Variants in LIN7A observed in about 807,000 individuals in gnomAD.
LIN7A encodes the protein lin-7 cell polarity scaffold A.
Under a neutral mutation model 29.8 loss-of-function variants are expected in LIN7A, and 25 were observed. That is an observed-to-expected ratio of 0.84 (90% CI 0.61 to 1.17). The LOEUF is 1.17. Ranked by LOEUF, LIN7A falls within the 50% of genes most tolerant of loss-of-function variation. The pLI is 0.00. For missense variants in LIN7A, 239 were observed against 287.0 expected (o/e 0.83, Z 1.21); for synonymous variants, 118 against 107.5 (o/e 1.10, Z -0.60).
At position 80,899,765 on chromosome 12, in the gene LIN7A, C is replaced by CTTTTTTTTTT. The variant is rs760389788; in HGVS notation, c.83-10397_83-10396insAAAAAAAAAA. Reference sequence around the variant, plus strand: ...CATTTCCTCTAGGTTTTCTTTTTTTCTTTTCTTTTTTTTTTTTTTTTGAGA... The same window carrying CTTTTTTTTTT: ...CATTTCCTCTAGGTTTTCTTTTTTTCTTTTTTTTTTTTTTCTTTTTTTTTTTTTTTTGAGA... On this transcript the variant is annotated intron_variant, in intron 1 of 5. Coordinates refer to ENST00000552864, the MANE Select transcript of LIN7A (RefSeq NM_004664.4). Among the ~76,000 whole-genome samples the CTTTTTTTTTT allele has an allele frequency of 7.5e-4, 82 of 110,016 alleles. 14 individuals carry two copies. Among genetic ancestry groups the CTTTTTTTTTT allele is most frequent in the Non-Finnish European group, 8.4e-4 (43 of 51,260 alleles). 72.2% of individuals were successfully genotyped at this position (110,016 alleles called of 152,430 possible).
At chr12:80,813,437 G>A (rs1266005641) in intron 4 of LIN7A, among the ~76,000 whole-genome samples, 1 of 151,972 alleles carries the variant, frequency 6.6e-6, no homozygotes, top group Non-Finnish European at 1.5e-5. Flanking sequence ...TTTTCTGGAG[G>A]GCACTATCGT....
At chr12:80,893,756 C>T (rs1032057261) in intron 1 of LIN7A, among the ~76,000 whole-genome samples, 1 of 152,152 alleles carries the variant, frequency 6.6e-6, no homozygotes, top group African/African-American at 2.4e-5. Flanking sequence ...TGGTGACCCG[C>T]TTGCCCTCTC....
chr12:80,854,933 A>G lies in LIN7A; in HGVS notation c.202-6611T>C, dbSNP rs1379907867. On this transcript the variant is annotated intron_variant, in intron 2 of 5. Coordinates refer to ENST00000552864, the MANE Select transcript of LIN7A (RefSeq NM_004664.4). ...AGAATATATTTCATATAATAATAACATGACATTCATCCTCATTCCACAAAG... is the reference window on the plus strand; with the variant it reads ...AGAATATATTTCATATAATAATAACGTGACATTCATCCTCATTCCACAAAG... Among the ~76,000 whole-genome samples, 3 of 152,188 alleles carry G rather than the reference A, an allele frequency of 2.0e-5. No homozygotes were observed. The East Asian group carries it at 5.8e-4, about 29-fold the overall frequency.
intron 2 of LIN7A, among the ~76,000 whole-genome samples, chr12:80,855,621 T>C (rs555049599): frequency 7.2e-5 from 11 of 152,264 alleles, no homozygotes; most frequent in African/African-American, 2.2e-4. Flanking sequence ...TGCAGGCTTC[T>C]TGAAAGCAGA....
At chr12:80,874,748 C>T (rs1019356103) in intron 2 of LIN7A, among the ~76,000 whole-genome samples, 1 of 152,160 alleles carries the variant, frequency 6.6e-6, no homozygotes, top group South Asian at 2.1e-4. Context: ...CTTTGGGAGA[C>T]TGAGGCAGGC....
At chr12:80,798,023 T>C (rs905388521) in intron 5 of LIN7A, among the ~76,000 whole-genome samples, 1 of 152,210 alleles carries the variant, frequency 6.6e-6, no homozygotes, top group Non-Finnish European at 1.5e-5. Context: ...ATGATTCTAT[T>C]TTTCCTCATG....
intron 2 of LIN7A, among the ~76,000 whole-genome samples, chr12:80,877,219 A>C (rs911361448): frequency 6.6e-6 from 1 of 152,114 alleles, no homozygotes; most frequent in African/African-American, 2.4e-5. Flanking sequence ...ATCTAACCAG[A>C]GACACATGTA....
At chr12:80,894,972 T>A (rs1875811203) in intron 1 of LIN7A, among the ~76,000 whole-genome samples, 1 of 152,204 alleles carries the variant, frequency 6.6e-6, no homozygotes, top group Non-Finnish European at 1.5e-5. Context: ...AAACCAGCTG[T>A]GTTTGACTCC....
At chr12:80,839,143 A>G (rs1872701820) in intron 4 of LIN7A, among the ~76,000 whole-genome samples, 1 of 152,220 alleles carries the variant, frequency 6.6e-6, no homozygotes, top group African/African-American at 2.4e-5. Flanking sequence ...AAATTTACTT[A>G]TGCAAACCCA....
intron 1 of LIN7A, chr12:80,935,849 A>C (rs771362606): frequency 4.3e-6 from 2 of 467,936 alleles, no homozygotes; most frequent in Non-Finnish European, 9.4e-6. Flanking sequence ...TTTAAAAATA[A>C]ATCTTAGTCC....
chr12:80,933,628 A>G (rs553234525), intron 1 of LIN7A, among the ~76,000 whole-genome samples: 1 of 152,196 alleles, frequency 6.6e-6, no homozygotes, highest in South Asian at 2.1e-4. Flanking sequence ...AACTTTACAC[A>G]TCCCATTTTT....
At chr12:80,881,751 G>A (rs1028684313) in intron 2 of LIN7A, among the ~76,000 whole-genome samples, 4 of 151,968 alleles carry the variant, frequency 2.6e-5, no homozygotes, top group Non-Finnish European at 4.4e-5. Flanking sequence ...CTGAAATACA[G>A]CATCTAATCT....
chr12:80,911,268 A>ATTTTTTTT lies in LIN7A; in HGVS notation c.83-21907_83-21900dup, dbSNP rs768907424. The stretch of plus-strand genomic sequence containing the variant: ...GGTTCTAGAGGGTGGAAGTTTGTCT[A>ATTTTTTTT]TTTTTTTTTTTTTTTTTTTTTTGGT... On this transcript the variant is annotated intron_variant, in intron 1 of 5. Coordinates refer to ENST00000552864, the MANE Select transcript of LIN7A (RefSeq NM_004664.4). 4.7e-5 allele frequency among the ~76,000 whole-genome samples: 5 copies of ATTTTTTTT among 105,890 alleles called. 1 individual carries two copies. Among genetic ancestry groups the ATTTTTTTT allele is most frequent in the African/African-American group, 1.1e-4 (3 of 28,210 alleles). 69.5% of individuals were successfully genotyped at this position (105,890 alleles called of 152,430 possible).
At position 80,849,236 on chromosome 12, in the gene LIN7A, T is replaced by A. The variant is rs1057150983; in HGVS notation, c.202-914A>T. On this transcript the variant is annotated intron_variant, in intron 2 of 5. Coordinates refer to ENST00000552864, the MANE Select transcript of LIN7A (RefSeq NM_004664.4). ...GAACAAGTTTCCAGAAGATCATTTA[T>A]GGAATCTGAGATATGTTACTGCAAA... is the stretch of plus-strand genomic sequence containing the variant. Among the ~76,000 whole-genome samples the A allele has an allele frequency of 6.6e-5, 10 of 152,206 alleles. No individual in the cohort carries two copies. The East Asian group carries it at 1.5e-3, about 23-fold the overall frequency.
rs1875865248 is a variant in LIN7A at position 80,895,887 on chromosome 12, C to T, written c.83-6518G>A. ...AAAGGACACAGGCCTAATGTCCTCA[C>T]TGAGCTGTTGTACTAGCCCTGAACT... On this transcript the variant is annotated intron_variant, in intron 1 of 5. Transcript: ENST00000552864. 2.0e-5 allele frequency among the ~76,000 whole-genome samples: 3 copies of T among 152,216 alleles called. No individual in the cohort carries two copies. In the South Asian group the frequency reaches 6.2e-4, roughly 32 times the overall value.
At chr12:80,869,149 AATAT>A (rs1555225727) in intron 2 of LIN7A, among the ~76,000 whole-genome samples, 1 of 145,468 alleles carries the variant, frequency 6.9e-6, no homozygotes, top group African/African-American at 2.5e-5. Flanking sequence ...TAAATAAATA[AATAT>A]ATATATATAT....
chr12:80,891,872 A>T (rs1401171567), intron 1 of LIN7A, among the ~76,000 whole-genome samples: 1 of 152,196 alleles, frequency 6.6e-6, no homozygotes, highest in Non-Finnish European at 1.5e-5. Context: ...TATTCAAAGA[A>T]ATAAAAGGCG....
At chr12:80,830,252 A>G (rs1263406716) in intron 4 of LIN7A, among the ~76,000 whole-genome samples, 6 of 152,334 alleles carry the variant, frequency 3.9e-5, no homozygotes, top group South Asian at 4.1e-4. Flanking sequence ...TACTTACTAC[A>G]TGTTCAGGAA....
chr12:80,909,794 T>C (rs1412457582), intron 1 of LIN7A, among the ~76,000 whole-genome samples: 1 of 152,138 alleles, frequency 6.6e-6, no homozygotes, highest in African/African-American at 2.4e-5. Flanking sequence ...GCTCTTGCTT[T>C]TCAAATCTGT....
Sources: gnomAD v4.1 joint callset for allele counts (sites outside exome capture counted in the v4.1 genomes callset) on GRCh38, gnomAD v4.1.1 for gene constraint, MANE v1.5 for transcripts, NCBI Gene and HGNC (gene_info 2026-07-23, HGNC 2026-07-21) for gene names.